Variants in MYOCD observed in about 807,000 individuals in gnomAD.
The protein encoded by MYOCD is myocardin.
MYOCD carries 32 observed loss-of-function variants against 96.1 expected under a neutral mutation model. That is an observed-to-expected ratio of 0.33 (90% CI 0.25 to 0.45). MYOCD has a LOEUF of 0.45. MYOCD is among the 20% of genes least tolerant of loss of function. The pLI, the probability that MYOCD is intolerant of heterozygous loss-of-function variation, is 1.00. For synonymous variants in MYOCD, 469 were observed against 469.0 expected, an observed-to-expected ratio of 1.00 and a Z score of 0.00; for missense variants, 1,133 against 1,200.6, an observed-to-expected ratio of 0.94 and a Z score of 0.83.
Position 12,676,858 on chromosome 17 carries a change from G to T in MYOCD, c.55+10615G>T, listed in dbSNP as rs1017287690. Among the ~76,000 whole-genome samples the T allele has an allele frequency of 1.8e-4, 27 of 152,132 alleles. 1 individual carries two copies. The highest frequency in any genetic ancestry group is 1.8e-3 in the Admixed American group (27 of 15,286). ...CTTATTGATTGTATGATATGAACTC[G>T]AGTGCATGCTTTTAAGCTCTCAACC... On this transcript the variant is annotated intron_variant, in intron 1 of 13. Transcript: ENST00000425538.
chr17:12,742,235 G>T (rs986557833), intron 7 of MYOCD, among the ~76,000 whole-genome samples: 1 of 152,122 alleles, frequency 6.6e-6, no homozygotes, highest in African/African-American at 2.4e-5. Context: ...AGAGAGAAAC[G>T]GAGCCACCAA....
At chr17:12,702,898 T>C (rs1218919241) in intron 1 of MYOCD, among the ~76,000 whole-genome samples, 2 of 151,960 alleles carry the variant, frequency 1.3e-5, no homozygotes, top group Non-Finnish European at 2.9e-5. Flanking sequence ...CTTATAAAGT[T>C]GTATATGTTT....
At chr17:12,704,206 G>A (rs1482847159) in intron 1 of MYOCD, among the ~76,000 whole-genome samples, 1 of 152,002 alleles carries the variant, frequency 6.6e-6, no homozygotes, top group Non-Finnish European at 1.5e-5. Context: ...TAATCCAAGT[G>A]GATTCAAGCT....
chr17:12,758,970 A>T (rs2033092417), intron 12 of MYOCD, among the ~76,000 whole-genome samples: 1 of 151,846 alleles, frequency 6.6e-6, no homozygotes, highest in African/African-American at 2.4e-5. Flanking sequence ...AATTGCTTGA[A>T]CCTGGGAGGT....
intron 1 of MYOCD, among the ~76,000 whole-genome samples, chr17:12,697,819 T>C (rs1444994412): frequency 2.0e-5 from 3 of 152,210 alleles, no homozygotes; most frequent in African/African-American, 7.2e-5. Flanking sequence ...GATTGTGGCT[T>C]ATATTAGAAC....
intron 6 of MYOCD, among the ~76,000 whole-genome samples, chr17:12,737,127 C>T (rs1056902065): frequency 9.2e-5 from 14 of 152,000 alleles, no homozygotes; most frequent in East Asian, 1.9e-4. Flanking sequence ...TGGTGGTGCG[C>T]GCCTGTAATC....
chr17:12,713,687 A>G (rs1202662316), intron 2 of MYOCD, among the ~76,000 whole-genome samples: 1 of 152,152 alleles, frequency 6.6e-6, no homozygotes, highest in Non-Finnish European at 1.5e-5. Flanking sequence ...ACTTTGTATC[A>G]TAATCTGGTT....
chr17:12,685,495 A>T (rs1021927301), intron 1 of MYOCD, among the ~76,000 whole-genome samples: 13 of 151,796 alleles, frequency 8.6e-5, no homozygotes, highest in Non-Finnish European at 1.5e-4. Flanking sequence ...AGTCCCAGCT[A>T]CTCGGGAGGC....
At chr17:12,699,753 TA>T (rs1339564873) in intron 1 of MYOCD, among the ~76,000 whole-genome samples, 1 of 152,168 alleles carries the variant, frequency 6.6e-6, no homozygotes, top group Non-Finnish European at 1.5e-5. Flanking sequence ...TTTGGGAATC[TA>T]AAGTGTGCTA....
intron 2 of MYOCD, among the ~76,000 whole-genome samples, chr17:12,711,883 G>A (rs1293552256): frequency 2.0e-5 from 3 of 151,406 alleles, no homozygotes; most frequent in African/African-American, 7.3e-5. Context: ...TTCTGATTCT[G>A]TGGGGCTGGG....
At chr17:12,666,786 A>G (rs1909403234) in intron 1 of MYOCD, among the ~76,000 whole-genome samples, 1 of 152,032 alleles carries the variant, frequency 6.6e-6, no homozygotes, top group South Asian at 2.1e-4. Context: ...TGCCACAAAT[A>G]TTTTTTCCCA....
At chr17:12,700,041 T>C (rs893041358) in intron 1 of MYOCD, among the ~76,000 whole-genome samples, 7 of 151,748 alleles carry the variant, frequency 4.6e-5, no homozygotes, top group African/African-American at 1.7e-4. Flanking sequence ...CCCGAGTAGC[T>C]GGGACCACAG....
chr17:12,761,002 C>T (rs775658353), intron 13 of MYOCD: 4 of 164,382 alleles, frequency 2.4e-5, no homozygotes, highest in Non-Finnish European at 5.3e-5. Context: ...TGCACTTCTT[C>T]TTTCTATGTT....
chr17:12,710,020 G>T (rs16946486), intron 2 of MYOCD, among the ~76,000 whole-genome samples: 1 of 152,048 alleles, frequency 6.6e-6, no homozygotes, highest in Admixed American at 6.6e-5. Flanking sequence ...TCTGCTGTGA[G>T]AAAGGCTCTG....
intron 3 of MYOCD, among the ~76,000 whole-genome samples, chr17:12,716,009 G>T (rs965510280): frequency 2.0e-5 from 3 of 152,168 alleles, no homozygotes; most frequent in Admixed American, 6.5e-5. Flanking sequence ...AAAGGCAAAA[G>T]GTTATTTTGC....
chr17:12,756,695 C>CAAAAA (rs11307445), intron 11 of MYOCD, 138 bp downstream of exon 11: 8 of 142,198 alleles, frequency 5.6e-5, no homozygotes, highest in Admixed American at 1.1e-4. Context: ...GACTGCATCT[C>CAAAAA]AAAAAAAAAA....
chr17:12,716,985 C>CAAAAAAAAAAAAAAAAAAAAAAA (rs56992216), intron 3 of MYOCD, among the ~76,000 whole-genome samples: 1 of 112,952 alleles, frequency 8.9e-6, no homozygotes, highest in Non-Finnish European at 1.7e-5. Context: ...GATGCTGTCT[C>CAAAAAAAAAAAAAAAAAAAAAAA]AAAAAAAAAA....
chr17:12,739,394 A>T, intron 7 of MYOCD, 66 bp downstream of exon 7: 1 of 1,475,988 alleles, frequency 6.8e-7, no homozygotes, highest in Non-Finnish European at 9.0e-7. Flanking sequence ...TTGGAGCAGA[A>T]CTTTCTGAGT....
chr17:12,677,996 G>T (rs1452530613), intron 1 of MYOCD, among the ~76,000 whole-genome samples: 2 of 149,884 alleles, frequency 1.3e-5, no homozygotes, highest in Admixed American at 6.6e-5. Flanking sequence ...AGGTTCTAGC[G>T]ATTCTCCTGC....
Sources: gnomAD v4.1 joint callset for allele counts (sites outside exome capture counted in the v4.1 genomes callset) on GRCh38, gnomAD v4.1.1 for gene constraint, MANE v1.5 for transcripts, NCBI Gene and HGNC (gene_info 2026-07-23, HGNC 2026-07-21) for gene names.